The following MTIF2 variants were observed in gnomAD, a reference collection of about 807,000 sequenced individuals.
The protein encoded by MTIF2 is mitochondrial translational initiation factor 2.
In MTIF2, 71 loss-of-function variants were observed where a neutral mutation model predicts 83.5. The observed-to-expected ratio is 0.85, with a 90% CI of 0.70 to 1.04. MTIF2 has a LOEUF of 1.04. Ranked by LOEUF, MTIF2 falls within the 50% of genes least tolerant of loss-of-function variation. MTIF2 has a pLI of 0.00. For missense variants in MTIF2, 957 were observed against 846.5 expected (o/e 1.13, Z -1.62); for synonymous variants, 319 against 287.1 (o/e 1.11, Z -1.12).
rs1443192163 is a variant in MTIF2, at chr2:55,246,436, T to C, written c.1007A>G (p.Glu336Gly). ...LTGDNLMALAEATVALAEMLE... is the reference protein window; with the variant it reads ...LTGDNLMALAGATVALAEMLE... ...CATTTCTGCAAGAGCAACTGTTGCT[T>C]CTGCCAAAGCCATCAGATTATCGCC... Residue 336 changes from glutamate (E) to glycine (G), a missense_variant, in exon 10 of 16, where the codon GAA becomes GGA. Coordinates refer to ENST00000263629, the MANE Select transcript of MTIF2 (RefSeq NM_002453.3). 11 of 1,613,490 alleles carry C rather than the reference T, an allele frequency of 6.8e-6. No individual in the cohort carries two copies. Among genetic ancestry groups the C allele is most frequent in the Non-Finnish European group, 8.5e-6 (10 of 1,179,586 alleles).
chr2:55,255,445 A>T (rs1175700516), intron 5 of MTIF2, among the ~76,000 whole-genome samples: 4 of 122,298 alleles, frequency 3.3e-5, no homozygotes, highest in Non-Finnish European at 5.4e-5. Context: ...ATTATGTATA[A>T]TATATATATA....
chr2:55,262,050 C>T (rs1310037044), intron 5 of MTIF2, among the ~76,000 whole-genome samples: 1 of 151,452 alleles, frequency 6.6e-6, no homozygotes, highest in Non-Finnish European at 1.5e-5. Flanking sequence ...ATTCTAATAG[C>T]CCACAAAACT....
At chr2:55,260,305 C>T (rs1211331409) in intron 5 of MTIF2, among the ~76,000 whole-genome samples, 1 of 149,490 alleles carries the variant, frequency 6.7e-6, no homozygotes, top group African/African-American at 2.5e-5. Flanking sequence ...AGGCTTGAGA[C>T]AGGAGAATTG....
intron 10 of MTIF2, among the ~76,000 whole-genome samples, chr2:55,244,826 C>T (rs1049966771): frequency 6.6e-6 from 1 of 152,098 alleles, no homozygotes; most frequent in African/African-American, 2.4e-5. Flanking sequence ...GCAGGTAGAT[C>T]ACCTGAGGTC....
Position 55,236,971 on chromosome 2 carries a change from G to T in MTIF2, c.2012-151C>A, listed in dbSNP as rs566408084. 4 of 677,794 alleles carry T rather than the reference G, an allele frequency of 5.9e-6. No homozygotes were observed. The South Asian group carries it at 1.1e-4, about 19-fold the overall frequency. 42.0% of individuals were successfully genotyped at this position (677,794 alleles called of 1,614,324 possible). Reference sequence around the variant, plus strand: ...TAAATGATGGGACTAAATACCAGGGGAACCCCCTCAAAAATGAAGTTTGCT... The same window carrying T: ...TAAATGATGGGACTAAATACCAGGGTAACCCCCTCAAAAATGAAGTTTGCT... On this transcript the variant is annotated intron_variant, in intron 15 of 15. Transcript: ENST00000263629.
At chr2:55,260,586 C>T (rs1677893943) in intron 5 of MTIF2, among the ~76,000 whole-genome samples, 1 of 152,156 alleles carries the variant, frequency 6.6e-6, no homozygotes, top group African/African-American at 2.4e-5. Context: ...GCTCTGGAGC[C>T]ATATTCCATA....
At chr2:55,253,268 A>T (rs1677243252) in intron 7 of MTIF2, among the ~76,000 whole-genome samples, 1 of 152,260 alleles carries the variant, frequency 6.6e-6, no homozygotes, top group Non-Finnish European at 1.5e-5. Flanking sequence ...TGGGACTATT[A>T]TTTAATTATT....
chr2:55,262,877 C>T (rs187277327), intron 4 of MTIF2, among the ~76,000 whole-genome samples: 114 of 152,254 alleles, frequency 7.5e-4, no homozygotes, highest in African/African-American at 2.6e-3. Flanking sequence ...TACAGGCATG[C>T]GCCACCATGC....
At position 55,252,599 on chromosome 2, in the gene MTIF2, G is replaced by C. The variant is rs759042648; in HGVS notation, c.719C>G (p.Ala240Gly). The C allele has an allele frequency of 1.2e-6, 2 of 1,614,124 alleles. No homozygotes were observed. The highest frequency in any genetic ancestry group is 1.7e-5 in the Admixed American group (1 of 60,016). Residue 240 changes from alanine (A) to glycine (G), a missense_variant, in exon 8 of 16, where the codon GCT becomes GGT. Ala to Gly is a moderately conservative substitution (Grantham distance 60). Around this residue, in one of 3 missense-constraint regions of MTIF2, gnomAD observed 733 missense variants for 648.7 expected, o/e 1.13. Coordinates refer to ENST00000263629, the MANE Select transcript of MTIF2 (RefSeq NM_002453.3). ...ACCTCTGGCTCTCATTGCTGAGAAA[G>C]CAGCATGTCCTGGAGTATCAAGAAA... The part of the protein sequence containing the change: ...ITFLDTPGHA[A>G]FSAMRARGAQ...
At chr2:55,253,067 G>C (rs1259135956) in intron 7 of MTIF2, among the ~76,000 whole-genome samples, 1 of 152,064 alleles carries the variant, frequency 6.6e-6, no homozygotes, top group African/African-American at 2.4e-5. Flanking sequence ...ATTGACCTTG[G>C]GTTTAAATCC....
In MTIF2 at chr2:55,263,909, T is replaced by G. The variant is rs762034297; in HGVS notation, c.-7-44A>C. 7.0e-6 allele frequency: 10 copies of G among 1,420,114 alleles called. No individual in the cohort carries two copies. In the South Asian group the frequency reaches 1.1e-4, roughly 15 times the overall value. 88.0% of individuals were successfully genotyped at this position (1,420,114 alleles called of 1,614,324 possible). On this transcript the variant is annotated intron_variant, in intron 3 of 15. Transcript: ENST00000263629. Reference sequence around the variant, plus strand: ...TTTTAAAATAATATTCAAATCAAGTTAGCAAATATTAATTGGATATTTACT... The same window carrying G: ...TTTTAAAATAATATTCAAATCAAGTGAGCAAATATTAATTGGATATTTACT...
chr2:55,252,194 G>A (rs1378564948), intron 8 of MTIF2, among the ~76,000 whole-genome samples: 1 of 151,564 alleles, frequency 6.6e-6, no homozygotes, highest in Non-Finnish European at 1.5e-5. Flanking sequence ...TCTTACTTTT[G>A]TATCTGTTTA....
intron 7 of MTIF2, among the ~76,000 whole-genome samples, chr2:55,252,898 A>G (rs938818406): frequency 6.6e-6 from 1 of 152,212 alleles, no homozygotes. Flanking sequence ...TCTAGAACAT[A>G]ACTACTTTCA....
At chr2:55,258,857 G>A (rs1677744234) in intron 5 of MTIF2, among the ~76,000 whole-genome samples, 1 of 150,658 alleles carries the variant, frequency 6.6e-6, no homozygotes, top group African/African-American at 2.4e-5. Context: ...TTAGGCACCT[G>A]TAATCCCAGC....
In MTIF2 at chr2:55,244,240, T is replaced by G. The variant is rs375923697; in HGVS notation, c.1107-7A>C. The G allele has an allele frequency of 1.9e-6, 3 of 1,596,942 alleles. No homozygotes were observed. The highest frequency in any genetic ancestry group is 2.6e-6 in the Non-Finnish European group (3 of 1,165,758). ...TATAGCTGTAGTAACAAGACTAAAA[T>G]GAAAATAAAAGTATATTTTCAATGT... On this transcript the variant is annotated splice_polypyrimidine_tract_variant and splice_region_variant and intron_variant, in intron 10 of 15. Transcript: ENST00000263629.
chr2:55,262,544 T>TTTC, intron 4 of MTIF2, 117 bp from the exon 5 acceptor site: 1 of 490,866 alleles, frequency 2.0e-6, no homozygotes, highest in South Asian at 3.0e-5. Context: ...TTTTTTTCTT[T>TTTC]TTTTTTTTTT....
chr2:55,249,920 C>T (rs997950881), intron 8 of MTIF2, among the ~76,000 whole-genome samples: 2 of 151,960 alleles, frequency 1.3e-5, no homozygotes, highest in Admixed American at 6.6e-5. Context: ...GGAGAAATCC[C>T]GTCTCTACTA....
chr2:55,251,106 G>A (rs1201286457), intron 8 of MTIF2, among the ~76,000 whole-genome samples: 7 of 70,544 alleles, frequency 9.9e-5, no homozygotes, highest in Non-Finnish European at 1.3e-4. Context: ...GCAAAACTCC[G>A]TCTCAAAAAA....
At chr2:55,242,074 A>T (rs1676357711) in intron 13 of MTIF2, among the ~76,000 whole-genome samples, 1 of 151,570 alleles carries the variant, frequency 6.6e-6, no homozygotes, top group Admixed American at 6.6e-5. Context: ...CTTGGGAGGC[A>T]GAGGTTGCAG....
Sources: allele counts gnomAD v4.1 joint callset (sites outside exome capture counted in the v4.1 genomes callset), GRCh38; gene constraint gnomAD v4.1.1; regional missense constraint gnomAD v4.1.1; transcripts MANE v1.5; gene names NCBI Gene and HGNC (gene_info 2026-07-23, HGNC 2026-07-21).